The following CMTM4 variants were observed in gnomAD, a reference collection of about 807,000 sequenced individuals.
The protein encoded by CMTM4 is CKLF-like MARVEL transmembrane domain-containing protein 4.
In CMTM4, 8 loss-of-function variants were observed where a neutral mutation model predicts 19.0. The ratio of observed to expected loss-of-function variants is 0.42; its 90% CI spans 0.25 to 0.76. The LOEUF is 0.76. CMTM4 is among the 30% of genes least tolerant of loss of function. The pLI, the probability that CMTM4 is intolerant of heterozygous loss-of-function variation, is 0.27. For missense variants in CMTM4, 228 were observed against 290.2 expected (o/e 0.79, Z 1.56); for synonymous variants, 106 against 121.1 (o/e 0.88, Z 0.82).
At chr16:66,660,260 T>C (rs538821410) in intron 1 of CMTM4, among the ~76,000 whole-genome samples, 1 of 151,944 alleles carries the variant, frequency 6.6e-6, no homozygotes, top group South Asian at 2.1e-4. Context: ...TGGTGGCACA[T>C]GTCTGTGGTC....
chr16:66,675,802 G>A (rs1332571759), intron 1 of CMTM4, among the ~76,000 whole-genome samples: 3 of 152,204 alleles, frequency 2.0e-5, no homozygotes, highest in East Asian at 1.9e-4. Context: ...ATTTACACAC[G>A]ACAAGTGGGG....
At chr16:66,665,741 G>T (rs1301527380) in intron 1 of CMTM4, among the ~76,000 whole-genome samples, 2 of 151,644 alleles carry the variant, frequency 1.3e-5, no homozygotes, top group Non-Finnish European at 2.9e-5. Flanking sequence ...ATGCTACCAC[G>T]CTCCAGCCTG....
At chr16:66,628,552 C>T (rs2015789806) in intron 2 of CMTM4, among the ~76,000 whole-genome samples, 1 of 152,158 alleles carries the variant, frequency 6.6e-6, no homozygotes, top group Admixed American at 6.5e-5. Flanking sequence ...TGCCTTAAAC[C>T]TTGATTCCAT....
chr16:66,696,473 G>A lies in CMTM4; in HGVS notation c.53C>T (p.Ser18Phe). 1.5e-6 allele frequency: 2 copies of A among 1,291,094 alleles called. No homozygotes were observed. Among genetic ancestry groups the A allele is most frequent in the Non-Finnish European group, 2.0e-6 (2 of 1,017,308 alleles). The allele number at this position is 1,291,094 out of a possible 1,614,324, so 80.0% of individuals were successfully genotyped here. A position where few individuals can be genotyped will look rare whatever the true frequency, so the allele number is the denominator to read the frequency against. The change falls in exon 1 of 4, where the codon TCC becomes TTC. Residue 18 changes from serine to phenylalanine, a missense_variant. Transcript: ENST00000394106. The surrounding 1 kb of genome is among the most constrained non-coding windows in gnomAD (Gnocchi z 4.3). Reference sequence around the variant, plus strand: ...CGGGCTGCTGGCGCCCGAGATCATGGAGGTGCTCGAGGCCTCGCCCTCGAA... The same window carrying A: ...CGGGCTGCTGGCGCCCGAGATCATGAAGGTGCTCGAGGCCTCGCCCTCGAA... Reference protein sequence around the residue: ...DGFEGEASSTSMISGASSPYQ... With the variant: ...DGFEGEASSTFMISGASSPYQ...
the CMTM4 span, among the ~76,000 whole-genome samples, chr16:66,601,762 C>T: frequency 6.6e-6 from 1 of 152,240 alleles, no homozygotes; most frequent in African/African-American, 2.4e-5. Context: ...CAGGAGAAGG[C>T]ACTTCCGAGC....
rs2015584546 is a variant in CMTM4, at chr16:66,619,310, G to A, written c.*2748C>T. ...TGTTTGCATCCATCTAAAACCACCA[G>A]AGGTTCCACCAAATGCTTGAGGGTT... is the stretch of plus-strand genomic sequence containing the variant. On this transcript the variant is annotated 3_prime_UTR_variant, in exon 4 of 4. Transcript: ENST00000394106. 1.0e-6 allele frequency: 1 copy of A among 985,406 alleles called. No individual in the cohort carries two copies. Among genetic ancestry groups the A allele is most frequent in the Middle Eastern group, 5.2e-4 (1 of 1,914 alleles). 61.0% of individuals were successfully genotyped at this position (985,406 alleles called of 1,614,324 possible). A position where few individuals can be genotyped will look rare whatever the true frequency, so the allele number is the denominator to read the frequency against.
At chr16:66,681,584 G>T (rs1047851170) in intron 1 of CMTM4, among the ~76,000 whole-genome samples, 2 of 152,116 alleles carry the variant, frequency 1.3e-5, no homozygotes. Flanking sequence ...GATTACAGAC[G>T]TGAGCCACCG....
chr16:66,608,290 TCAAACTCCTTCCCCG>T, the CMTM4 span: 7 of 1,613,822 alleles, frequency 4.3e-6, no homozygotes, highest in Non-Finnish European at 5.9e-6. The surrounding 1 kb of genome is among the most constrained non-coding windows in gnomAD (Gnocchi z 5.1). Flanking sequence ...TGACTTCACC[TCAAACTCCTTCCCCG>T]CAGGGTCTCT....
At chr16:66,599,812 C>T in the CMTM4 span, among the ~76,000 whole-genome samples, 17 of 151,890 alleles carry the variant, frequency 1.1e-4, no homozygotes, top group African/African-American at 3.9e-4. Context: ...GATTAGGAAA[C>T]GAAAAGAAGC....
chr16:66,647,979 C>T (rs1280825861), intron 1 of CMTM4, among the ~76,000 whole-genome samples: 1 of 152,224 alleles, frequency 6.6e-6, no homozygotes, highest in Non-Finnish European at 1.5e-5. Context: ...CAAAGCAACT[C>T]TCATCCTATA....
At chr16:66,607,691 A>G in the CMTM4 span, among the ~76,000 whole-genome samples, 1 of 152,102 alleles carries the variant, frequency 6.6e-6, no homozygotes, top group Non-Finnish European at 1.5e-5. Flanking sequence ...TTCCCTCCGC[A>G]GGGCACTGAG....
chr16:66,652,890 A>G (rs2016336055), intron 1 of CMTM4, among the ~76,000 whole-genome samples: 1 of 152,204 alleles, frequency 6.6e-6, no homozygotes, highest in African/African-American at 2.4e-5. Flanking sequence ...TGCGAATGCT[A>G]CCCTGCTCAA....
intron 1 of CMTM4, among the ~76,000 whole-genome samples, chr16:66,672,894 G>A (rs1426991073): frequency 6.7e-6 from 1 of 148,870 alleles, no homozygotes; most frequent in Non-Finnish European, 1.5e-5. Context: ...CCAAAGTGCT[G>A]GGATCATAGG....
At chr16:66,641,039 A>C (rs2016090260) in intron 1 of CMTM4, among the ~76,000 whole-genome samples, 1 of 152,048 alleles carries the variant, frequency 6.6e-6, no homozygotes. Flanking sequence ...GAAAAGAAAG[A>C]TCTGATTCTT....
intron 1 of CMTM4, among the ~76,000 whole-genome samples, chr16:66,663,200 CA>C (rs375406995): frequency 3.5e-4 from 54 of 152,256 alleles, no homozygotes; most frequent in African/African-American, 1.2e-3. Context: ...ACATAATAAA[CA>C]AATGTCCACG....
At chr16:66,695,527 C>T (rs1244567543) in intron 1 of CMTM4, among the ~76,000 whole-genome samples, 1 of 152,176 alleles carries the variant, frequency 6.6e-6, no homozygotes, top group Admixed American at 6.5e-5. Context: ...AGGCATGTTA[C>T]AAAACCACAA....
intron 1 of CMTM4, among the ~76,000 whole-genome samples, chr16:66,638,083 C>A (rs2016030383): frequency 6.6e-6 from 1 of 152,204 alleles, no homozygotes; most frequent in Non-Finnish European, 1.5e-5. Flanking sequence ...ACCTCCTCCC[C>A]ATGTCTTCCC....
At position 66,633,046 on chromosome 16, in the gene CMTM4, C is replaced by T. The variant is rs1182205415; in HGVS notation, c.363+3359G>A. ...GTTGCGTTGAGCCAAGATTGTGCCACTGCATTCCAGCCTGGGCAACAAGAG... is the reference window on the plus strand; with the variant it reads ...GTTGCGTTGAGCCAAGATTGTGCCATTGCATTCCAGCCTGGGCAACAAGAG... On this transcript the variant is annotated intron_variant, in intron 2 of 3. Coordinates refer to ENST00000394106, the MANE Select transcript of CMTM4 (RefSeq NM_181521.3). Among the ~76,000 whole-genome samples the T allele has an allele frequency of 3.4e-5, 5 of 147,918 alleles. No homozygotes were observed. In the East Asian group the frequency reaches 9.7e-4, roughly 29 times the overall value.
In CMTM4 at chr16:66,633,132, A is replaced by AATATATATATATAAAT. The variant is rs1567408520; in HGVS notation, c.363+3272_363+3273insATTTATATATATATAT. On this transcript the variant is annotated intron_variant, in intron 2 of 3. Transcript: ENST00000394106. ...ATATATATATAAATATATATATATA[A>AATATATATATATAAAT]ATATATATATATATCAAAGTCCCAC... is the stretch of plus-strand genomic sequence containing the variant. Among the ~76,000 whole-genome samples, 358 of 129,720 alleles carry AATATATATATATAAAT rather than the reference A, an allele frequency of 2.8e-3. 2 individuals carry two copies. Among genetic ancestry groups the AATATATATATATAAAT allele is most frequent in the Middle Eastern group, 0.012 (3 of 252 alleles). The allele number at this position is 129,720 out of a possible 152,430, so 85.1% of individuals were successfully genotyped here.
Sources: gnomAD v4.1 joint callset for allele counts (sites outside exome capture counted in the v4.1 genomes callset) on GRCh38, gnomAD v4.1.1 for gene constraint, Gnocchi (gnomAD v3.1) non-coding constraint, MANE v1.5 for transcripts, NCBI Gene and HGNC (gene_info 2026-07-23, HGNC 2026-07-21) for gene names.